AFF3: variants seen among roughly 807,000 people sequenced by gnomAD.
The protein encoded by AFF3 is ALF transcription elongation factor 3.
In AFF3, 32 loss-of-function variants were observed where a neutral mutation model predicts 129.7. That is an observed-to-expected ratio of 0.25 (90% confidence interval 0.19 to 0.33). AFF3 has a LOEUF of 0.33. Ranked by LOEUF, AFF3 falls within the 10% of genes least tolerant of loss-of-function variation. The pLI is 1.00. For missense variants in AFF3, 1,373 were observed against 1,592.0 expected (o/e 0.86, Z 2.34); for synonymous variants, 644 against 635.4 (o/e 1.01, Z -0.20).
At position 99,554,156 on chromosome 2, in the gene AFF3, CTAGT is replaced by C. The variant is rs967038846; in HGVS notation, c.3559+151_3559+154del. On this transcript the variant is annotated intron_variant, in intron 24 of 24. Coordinates refer to ENST00000672756, the MANE Select transcript of AFF3 (RefSeq NM_001386135.1). ...AACCACCATAAAGGGTGTTTTTGAA[CTAGT>C]TAGTGACATGAGAAAATGCCTGATA... Among the ~76,000 whole-genome samples the C allele has an allele frequency of 2.0e-4, 31 of 152,090 alleles. 1 individual carries two copies. Among genetic ancestry groups the C allele is most frequent in the African/African-American group, 7.5e-4 (31 of 41,478 alleles).
intron 7 of AFF3, among the ~76,000 whole-genome samples, chr2:99,948,597 C>CT (rs1327642597): frequency 2.0e-5 from 3 of 152,174 alleles, no homozygotes; most frequent in Admixed American, 2.0e-4. Context: ...CTTAAATCAG[C>CT]TTTTTGCAGA....
chr2:99,949,107 G>A (rs1006067751), intron 7 of AFF3, among the ~76,000 whole-genome samples: 2 of 152,146 alleles, frequency 1.3e-5, no homozygotes, highest in Non-Finnish European at 2.9e-5. Flanking sequence ...ACTTTCAAGG[G>A]TGACCTTAAG....
chr2:100,074,350 C>T (rs1165120894), intron 4 of AFF3, among the ~76,000 whole-genome samples: 1 of 152,186 alleles, frequency 6.6e-6, no homozygotes, highest in Non-Finnish European at 1.5e-5. Flanking sequence ...TCTGTGTTCT[C>T]CCAAAGGGAG....
At chr2:99,992,467 T>C (rs1439360751) in intron 7 of AFF3, among the ~76,000 whole-genome samples, 3 of 152,238 alleles carry the variant, frequency 2.0e-5, no homozygotes, top group Non-Finnish European at 2.9e-5. Flanking sequence ...TTACTAGCTA[T>C]ATTTATACTT....
chr2:99,691,682 A>G lies in AFF3; in HGVS notation c.1092-19093T>C, dbSNP rs115988646. Among the ~76,000 whole-genome samples, 883 of 152,298 alleles carry G rather than the reference A, an allele frequency of 5.8e-3. 15 individuals are homozygous for G. Among genetic ancestry groups the G allele is most frequent in the African/African-American group, 0.02 (844 of 41,554 alleles). ...AGTCTTAAGTAAAGTTGTATCACTT[A>G]TCCTTCCTGTGGGGATAGAGTTGCA... On this transcript the variant is annotated intron_variant, in intron 11 of 24. Coordinates refer to ENST00000672756, the MANE Select transcript of AFF3 (RefSeq NM_001386135.1).
intron 12 of AFF3, among the ~76,000 whole-genome samples, chr2:99,667,400 TATATC>T (rs563269340): frequency 2.6e-5 from 4 of 152,162 alleles, no homozygotes; most frequent in Non-Finnish European, 4.4e-5. Context: ...ACTAAATACT[TATATC>T]ATAAAAAAGA....
At chr2:99,947,606 AGATAGATAGATAGATAGAT>A (rs1675738712) in intron 7 of AFF3, among the ~76,000 whole-genome samples, 3 of 50,414 alleles carry the variant, frequency 6.0e-5, no homozygotes, top group Non-Finnish European at 1.3e-4. Context: ...AAAGAAAGAT[AGATAGATAGATAGATAGAT>A]AGATAGATAG....
intron 8 of AFF3, among the ~76,000 whole-genome samples, chr2:99,794,808 C>T (rs569471712): frequency 2.6e-5 from 4 of 152,192 alleles, no homozygotes; most frequent in South Asian, 4.1e-4. Flanking sequence ...ACAGTAGTCA[C>T]CTAATTTATT....
intron 12 of AFF3, among the ~76,000 whole-genome samples, chr2:99,668,943 C>T (rs1417866872): frequency 1.3e-5 from 2 of 152,106 alleles, no homozygotes; most frequent in East Asian, 1.9e-4. Flanking sequence ...ATCAGTATTA[C>T]CCTGATATCA....
chr2:99,744,113 T>C lies in AFF3; in HGVS notation c.1030A>G (p.Asn344Asp), dbSNP rs1347214176. 2 of 1,607,774 alleles carry C rather than the reference T, an allele frequency of 1.2e-6. No homozygotes were observed. Among genetic ancestry groups the C allele is most frequent in the East Asian group, 2.3e-5 (1 of 44,436 alleles). The change falls in exon 10 of 25, where the codon AAT becomes GAT. Residue 344 changes from asparagine to aspartate, a missense_variant. By Grantham distance (23) the Asn-to-Asp change is conservative. Around this residue, in one of 9 missense-constraint regions of AFF3, gnomAD observed 413 missense variants for 424.4 expected, o/e 0.97. Coordinates refer to ENST00000672756, the MANE Select transcript of AFF3 (RefSeq NM_001386135.1). ...GCGAAGTCTTTCTTACTTGGATTAT[T>C]GTGTCCAGAGGATACAAGCTGAGAG... is the stretch of plus-strand genomic sequence containing the variant. ...KDSQLVSSGH[N>D]NPKKGDAEPE...
intron 7 of AFF3, among the ~76,000 whole-genome samples, chr2:99,976,557 T>A (rs1678911260): frequency 6.6e-6 from 1 of 152,188 alleles, no homozygotes; most frequent in Non-Finnish European, 1.5e-5. Context: ...TACTAAAGAA[T>A]CTTGTTTCTC....
At chr2:99,889,054 A>C (rs1693339632) in intron 7 of AFF3, among the ~76,000 whole-genome samples, 1 of 152,206 alleles carries the variant, frequency 6.6e-6, no homozygotes, top group Admixed American at 6.5e-5. Context: ...AAAACCTAGG[A>C]GGAGGACAGA....
intron 4 of AFF3, 114 bp from the exon 5 acceptor site, chr2:100,009,046 C>G: frequency 5.0e-6 from 7 of 1,387,626 alleles, no homozygotes; most frequent in South Asian, 1.4e-5. Context: ...GTGATGACAA[C>G]AAGAACATGG....
intron 7 of AFF3, among the ~76,000 whole-genome samples, chr2:99,995,590 T>C (rs1317096463): frequency 6.6e-6 from 1 of 152,114 alleles, no homozygotes; most frequent in Non-Finnish European, 1.5e-5. Context: ...GCCAGGATGG[T>C]CTCAATCTCC....
chr2:99,776,678 G>A (rs1683929225), intron 8 of AFF3, among the ~76,000 whole-genome samples: 1 of 152,170 alleles, frequency 6.6e-6, no homozygotes, highest in Admixed American at 6.5e-5. Flanking sequence ...CCACCATTCC[G>A]GCAGTGGGCT....
intron 2 of AFF3, among the ~76,000 whole-genome samples, chr2:100,123,993 A>G (rs1692085047): frequency 6.6e-6 from 1 of 152,188 alleles, no homozygotes; most frequent in African/African-American, 2.4e-5. Context: ...AAAATATTAC[A>G]CTCTTAAAAG....
At chr2:99,559,926 G>T (rs1675314965) in intron 21 of AFF3, among the ~76,000 whole-genome samples, 1 of 152,230 alleles carries the variant, frequency 6.6e-6, no homozygotes, top group Non-Finnish European at 1.5e-5. Flanking sequence ...GGAACTATAG[G>T]TTACCCGATC....
In AFF3 at chr2:99,575,009, G is replaced by T. The variant is rs527994294; in HGVS notation, c.2918+3318C>A. ...TGGAGGTGGGCAGGAAGGAGGCCGA[G>T]AATTAAATTTAGTAATCCTAGGAAA... On this transcript the variant is annotated intron_variant, in intron 18 of 24. Transcript: ENST00000672756. Among the ~76,000 whole-genome samples the T allele has an allele frequency of 2.0e-5, 3 of 152,210 alleles. No homozygotes were observed. The South Asian group carries it at 6.2e-4, about 32-fold the overall frequency.
At chr2:99,680,897 T>C (rs1674461302) in intron 11 of AFF3, among the ~76,000 whole-genome samples, 1 of 152,230 alleles carries the variant, frequency 6.6e-6, no homozygotes, top group African/African-American at 2.4e-5. Context: ...CTTTAAGCTA[T>C]ACCAGCGTTC....
Sources: gnomAD v4.1 joint callset for allele counts (sites outside exome capture counted in the v4.1 genomes callset) on GRCh38, gnomAD v4.1.1 for gene constraint, gnomAD v4.1.1 regional missense constraint, MANE v1.5 for transcripts, NCBI Gene and HGNC (gene_info 2026-07-23, HGNC 2026-07-21) for gene names.